Variants in SPMIP4 observed in about 807,000 individuals in gnomAD.
SPMIP4 encodes the protein sperm microtubule inner protein 4, also known as sperm-associated microtubule inner protein 4.
the SPMIP4 span, chr7:25,136,003 T>C: frequency 1.2e-6 from 2 of 1,609,586 alleles, no homozygotes; most frequent in African/African-American, 2.7e-5. This position sits in a 1 kb window ranked among gnomAD's most constrained non-coding sequence, Gnocchi z 5.7. Flanking sequence ...ATTATGGCCA[T>C]AGAATTGGTG....
At chr7:25,132,739 A>T in the SPMIP4 span, among the ~76,000 whole-genome samples, 1 of 152,222 alleles carries the variant, frequency 6.6e-6, no homozygotes, top group Non-Finnish European at 1.5e-5. The surrounding 1 kb of genome is among the most constrained non-coding windows in gnomAD (Gnocchi z 5.0). Flanking sequence ...GATAAACAAT[A>T]CCTAATTTAC....
chr7:25,129,745 G>A, the SPMIP4 span, among the ~76,000 whole-genome samples: 5 of 152,026 alleles, frequency 3.3e-5, no homozygotes, highest in African/African-American at 4.8e-5. Context: ...TTTTGGAGAG[G>A]AGTTATTAGA....
the SPMIP4 span, among the ~76,000 whole-genome samples, chr7:25,133,456 T>A: frequency 6.6e-6 from 1 of 152,344 alleles, no homozygotes; most frequent in African/African-American, 2.4e-5. Flanking sequence ...TCCACTGGAT[T>A]GAAGGCAGAG....
chr7:25,176,471 T>G, the SPMIP4 span, among the ~76,000 whole-genome samples: 9 of 152,172 alleles, frequency 5.9e-5, no homozygotes, highest in Non-Finnish European at 1.2e-4. The surrounding 1 kb of genome is among the most constrained non-coding windows in gnomAD (Gnocchi z 4.4). Flanking sequence ...AAACCACTCT[T>G]GTGAATCAGG....
At chr7:25,153,230 A>G in the SPMIP4 span, among the ~76,000 whole-genome samples, 6 of 152,250 alleles carry the variant, frequency 3.9e-5, no homozygotes, top group East Asian at 1.2e-3. Context: ...AATTAAGATG[A>G]CAACTTGTTT....
the SPMIP4 span, chr7:25,155,033 A>G: frequency 6.2e-7 from 1 of 1,613,972 alleles, no homozygotes; most frequent in Non-Finnish European, 8.5e-7. Context: ...AAACTGTTGA[A>G]TCATAAGCCT....
the SPMIP4 span, among the ~76,000 whole-genome samples, chr7:25,126,346 T>C: frequency 2.0e-5 from 3 of 151,686 alleles, no homozygotes; most frequent in African/African-American, 7.3e-5. Flanking sequence ...CCCAGCTAAT[T>C]TTTGTATTTT....
At chr7:25,163,578 G>A in the SPMIP4 span, among the ~76,000 whole-genome samples, 1 of 152,144 alleles carries the variant, frequency 6.6e-6, no homozygotes, top group Non-Finnish European at 1.5e-5. This position sits in a 1 kb window ranked among gnomAD's most constrained non-coding sequence, Gnocchi z 4.4. Flanking sequence ...GATCATGGCG[G>A]CAGCACAGAA....
At chr7:25,149,413 T>G in the SPMIP4 span, among the ~76,000 whole-genome samples, 3 of 152,198 alleles carry the variant, frequency 2.0e-5, no homozygotes, top group Non-Finnish European at 2.9e-5. Flanking sequence ...TCAGCATCTA[T>G]TTTATTTTTA....
At chr7:25,142,965 T>G in the SPMIP4 span, 8 of 509,062 alleles carry the variant, frequency 1.6e-5, no homozygotes, top group Non-Finnish European at 6.9e-6. Flanking sequence ...AATTACTAAT[T>G]GCTATAATTG....
chr7:25,167,133 G>A, the SPMIP4 span, among the ~76,000 whole-genome samples: 442 of 152,308 alleles, frequency 2.9e-3, 1 homozygote, highest in African/African-American at 0.01. Flanking sequence ...GGCAGTAGCT[G>A]TAAATTCCAT....
the SPMIP4 span, chr7:25,136,128 G>A: frequency 6.2e-7 from 1 of 1,614,112 alleles, no homozygotes; most frequent in Middle Eastern, 1.6e-4. This position sits in a 1 kb window ranked among gnomAD's most constrained non-coding sequence, Gnocchi z 5.7. Flanking sequence ...CCAGCAGGTT[G>A]GTCTGAGGTT....
chr7:25,171,594 T>G, the SPMIP4 span, among the ~76,000 whole-genome samples: 1 of 151,928 alleles, frequency 6.6e-6, no homozygotes, highest in African/African-American at 2.4e-5. Context: ...GAAAAAAAAA[T>G]CTTAAAAACA....
At chr7:25,174,964 T>C in the SPMIP4 span, among the ~76,000 whole-genome samples, 2 of 152,210 alleles carry the variant, frequency 1.3e-5, no homozygotes, top group Admixed American at 6.5e-5. This position sits in a 1 kb window ranked among gnomAD's most constrained non-coding sequence, Gnocchi z 4.5. Context: ...AGTAAAGTAA[T>C]TAAAGTGTAG....
chr7:25,127,387 C>A, the SPMIP4 span, among the ~76,000 whole-genome samples: 5 of 151,868 alleles, frequency 3.3e-5, no homozygotes, highest in African/African-American at 1.2e-4. Context: ...ATTCTTTTTT[C>A]TTTTGTCTCT....
At chr7:25,149,248 C>A in the SPMIP4 span, among the ~76,000 whole-genome samples, 2 of 152,016 alleles carry the variant, frequency 1.3e-5, no homozygotes, top group South Asian at 4.1e-4. Flanking sequence ...AAAAAAAATC[C>A]TTTAATAGGA....
the SPMIP4 span, among the ~76,000 whole-genome samples, chr7:25,166,479 C>G: frequency 1.3e-5 from 2 of 151,362 alleles, no homozygotes; most frequent in Non-Finnish European, 1.5e-5. Context: ...CCCAGCTACT[C>G]GGGAGGCTGA....
the SPMIP4 span, among the ~76,000 whole-genome samples, chr7:25,176,396 T>C: frequency 1.4e-3 from 206 of 152,324 alleles, 3 homozygotes; most frequent in East Asian, 0.031. The surrounding 1 kb of genome is among the most constrained non-coding windows in gnomAD (Gnocchi z 4.4). Flanking sequence ...AAGGGTTTTA[T>C]TTGACTCAAG....
the SPMIP4 span, chr7:25,142,636 A>T: frequency 1.9e-6 from 3 of 1,603,312 alleles, no homozygotes; most frequent in Non-Finnish European, 2.5e-6. Context: ...AAGTGAACTC[A>T]TACCTGTAAA....
Sources: gnomAD v4.1 joint callset for allele counts (sites outside exome capture counted in the v4.1 genomes callset) on GRCh38, gnomAD v4.1.1 for gene constraint, Gnocchi (gnomAD v3.1) non-coding constraint, MANE v1.5 for transcripts, NCBI Gene and HGNC (gene_info 2026-07-23, HGNC 2026-07-21) for gene names.